DPP6: variants seen among roughly 807,000 people sequenced by gnomAD.
DPP6 encodes dipeptidyl peptidase like 6.
Under a neutral mutation model 122.6 loss-of-function variants are expected in DPP6, and 69 were observed. The observed-to-expected ratio is 0.56, with a 90% CI of 0.46 to 0.69. The LOEUF (loss-of-function observed/expected upper bound fraction) is 0.69, where lower values mean the gene tolerates loss of function less well. DPP6 is among the 30% of genes least tolerant of loss of function. The pLI is 0.00. For missense variants in DPP6, 928 were observed against 1,116.9 expected (o/e 0.83, Z 2.41); for synonymous variants, 418 against 433.1 (o/e 0.97, Z 0.43).
At chr7:154,126,111 A>G (rs1807864278) in intron 1 of DPP6, among the ~76,000 whole-genome samples, 1 of 152,224 alleles carries the variant, frequency 6.6e-6, no homozygotes, top group South Asian at 2.1e-4. Flanking sequence ...TTCATGGTGT[A>G]GGGATCTTTG....
chr7:154,518,534 G>A (rs1474909549), intron 3 of DPP6, among the ~76,000 whole-genome samples: 1 of 152,146 alleles, frequency 6.6e-6, no homozygotes, highest in Non-Finnish European at 1.5e-5. Context: ...CCCTTGCACT[G>A]CCAAGTGTCC....
chr7:154,212,904 C>G (rs1196673956), intron 1 of DPP6, among the ~76,000 whole-genome samples: 1 of 152,160 alleles, frequency 6.6e-6, no homozygotes, highest in Non-Finnish European at 1.5e-5. Context: ...GGAAACATCT[C>G]TGAGTTCACT....
chr7:154,879,588 C>CAAAAAAAAA (rs778157355), intron 20 of DPP6, among the ~76,000 whole-genome samples: 18 of 41,582 alleles, frequency 4.3e-4, no homozygotes, highest in Non-Finnish European at 4.9e-4. Flanking sequence ...GACTCCGTCT[C>CAAAAAAAAA]AAAAAAAAAA....
chr7:153,830,086 A>C, the DPP6 span, among the ~76,000 whole-genome samples: 1 of 152,238 alleles, frequency 6.6e-6, no homozygotes, highest in Non-Finnish European at 1.5e-5. Context: ...AAGGAAAAAC[A>C]AATTTGGGCT....
Position 153,898,707 on chromosome 7 carries a change from G to A in DPP6, c.51+10973G>A, listed in dbSNP as rs187941462. Reference sequence around the variant, plus strand: ...GAGGAAAATGGCCGTCTTCAGTTGCGGTATCAGAGGCCTTCCACAATAAGC... The same window carrying A: ...GAGGAAAATGGCCGTCTTCAGTTGCAGTATCAGAGGCCTTCCACAATAAGC... On this transcript the variant is annotated intron_variant, in intron 1 of 25. Coordinates refer to the DPP6 transcript ENST00000404039. Among the ~76,000 whole-genome samples the A allele has an allele frequency of 1.2e-4, 19 of 152,248 alleles. No individual in the cohort carries two copies. In the East Asian group the frequency reaches 2.3e-3, roughly 19 times the overall value.
At chr7:154,122,483 A>G (rs1429981751) in intron 1 of DPP6, among the ~76,000 whole-genome samples, 2 of 152,262 alleles carry the variant, frequency 1.3e-5, no homozygotes, top group Non-Finnish European at 2.9e-5. Flanking sequence ...GTTACTAGAA[A>G]GAGATGGGGG....
intron 1 of DPP6, among the ~76,000 whole-genome samples, chr7:154,381,697 G>A (rs1251691031): frequency 1.3e-5 from 2 of 152,172 alleles, no homozygotes; most frequent in Non-Finnish European, 2.9e-5. Flanking sequence ...ATAGAACAGG[G>A]TTAGGAAACC....
chr7:154,265,016 G>T (rs373575916), intron 1 of DPP6, among the ~76,000 whole-genome samples: 2 of 814 alleles, frequency 2.5e-3, no homozygotes, highest in Non-Finnish European at 9.0e-3. Flanking sequence ...GATAGTGATA[G>T]TGATGATGGT....
rs1388545589 is a variant in DPP6 at position 154,483,047 on chromosome 7, C to T, written c.457+8010C>T. On this transcript the variant is annotated intron_variant, in intron 3 of 25. Coordinates refer to ENST00000377770, the MANE Select transcript of DPP6 (RefSeq NM_130797.4). The surrounding 1 kb of genome is among the most constrained non-coding windows in gnomAD (Gnocchi z 8.1). Reference sequence around the variant, plus strand: ...TGAGAGGTTGGAGCCATCTGGAGGACCATGGAAAGCGTGGGTTGTGGAGGT... The same window carrying T: ...TGAGAGGTTGGAGCCATCTGGAGGATCATGGAAAGCGTGGGTTGTGGAGGT... 6.6e-6 allele frequency among the ~76,000 whole-genome samples: 1 copy of T among 151,440 alleles called. No homozygotes were observed. Among genetic ancestry groups the T allele is most frequent in the East Asian group, 1.9e-4 (1 of 5,154 alleles).
intron 10 of DPP6, among the ~76,000 whole-genome samples, chr7:154,779,458 A>C (rs541627484): frequency 2.8e-4 from 43 of 152,176 alleles, no homozygotes; most frequent in African/African-American, 1.0e-3. Context: ...TCACATTTAC[A>C]ATGTCAATAA....
chr7:154,624,422 A>T lies in DPP6; in HGVS notation c.628-13399A>T, dbSNP rs747969041. 2.0e-5 allele frequency among the ~76,000 whole-genome samples: 3 copies of T among 151,870 alleles called. No homozygotes were observed. In the South Asian group the frequency reaches 6.3e-4, roughly 32 times the overall value. On this transcript the variant is annotated intron_variant, in intron 5 of 25. Transcript: ENST00000377770. This position sits in a 1 kb window ranked among gnomAD's most constrained non-coding sequence, Gnocchi z 4.7. ...CAGGAAAATCACTTGTACCCAGGAG[A>T]CAGAGATTGCGCCGCTGCCTTCCAA... is the stretch of plus-strand genomic sequence containing the variant.
chr7:153,925,555 G>C (rs1263880936), intron 1 of DPP6, among the ~76,000 whole-genome samples: 1 of 152,018 alleles, frequency 6.6e-6, no homozygotes, highest in African/African-American at 2.4e-5. Context: ...CTGATGAGGG[G>C]AGACCACTCC....
the DPP6 span, among the ~76,000 whole-genome samples, chr7:153,838,729 AG>A: frequency 2.7e-4 from 41 of 152,338 alleles, no homozygotes; most frequent in East Asian, 7.5e-3. Flanking sequence ...AACTGTAACA[AG>A]CAAACAGTTA....
At position 154,794,155 on chromosome 7, in the gene DPP6, G is replaced by A. The variant is rs748445356; in HGVS notation, c.1213G>A (p.Val405Met). 5.2e-5 allele frequency: 84 copies of A among 1,612,838 alleles called. No homozygotes were observed. The highest frequency in any genetic ancestry group is 1.6e-4 in the Middle Eastern group (1 of 6,084). Residue 405 changes from valine (V) to methionine (M), a missense_variant, in exon 11 of 26, where the codon GTG becomes ATG. Coordinates refer to ENST00000377770, the MANE Select transcript of DPP6 (RefSeq NM_130797.4). ...AVTWLNRAQN[V>M]SILTLCDATT... is the part of the protein sequence containing the mutation. ...GACCTGGCTGAACCGGGCGCAGAAC[G>A]TGTCCATCCTCACCCTCTGCGACGC...
intron 8 of DPP6, among the ~76,000 whole-genome samples, chr7:154,759,975 T>G (rs1404593839): frequency 6.6e-6 from 1 of 152,124 alleles, no homozygotes; most frequent in African/African-American, 2.4e-5. Context: ...TATAAAAAAT[T>G]AGCTGGGCAT....
rs556992690 is a variant in DPP6 at position 154,487,651 on chromosome 7, C to T, written c.457+12614C>T. On this transcript the variant is annotated intron_variant, in intron 3 of 25. Transcript: ENST00000377770. ...GCCGCGTCCTCTTTTTAGAGTGAAG[C>T]GCATTCAGAAGACCCATTAATTAGA... 3.9e-5 allele frequency among the ~76,000 whole-genome samples: 6 copies of T among 152,290 alleles called. No homozygotes were observed. In the South Asian group the frequency reaches 1.0e-3, roughly 26 times the overall value.
chr7:153,780,289 ATCT>A, the DPP6 span, among the ~76,000 whole-genome samples: 1 of 152,198 alleles, frequency 6.6e-6, no homozygotes, highest in Non-Finnish European at 1.5e-5. Flanking sequence ...TGGTTATTCA[ATCT>A]TCTTGAAATC....
intron 6 of DPP6, among the ~76,000 whole-genome samples, chr7:154,645,153 C>T (rs1586799202): frequency 6.6e-6 from 1 of 150,702 alleles, no homozygotes; most frequent in Admixed American, 6.6e-5. Flanking sequence ...AGCTCCGCCT[C>T]CCAGGTTCAC....
intron 4 of DPP6, among the ~76,000 whole-genome samples, chr7:154,549,010 G>C (rs756429409): frequency 5.9e-5 from 9 of 152,170 alleles, no homozygotes; most frequent in Non-Finnish European, 1.2e-4. Flanking sequence ...GGTTGTTTTG[G>C]GAGGGGCTTG....
Sources: allele counts gnomAD v4.1 joint callset (sites outside exome capture counted in the v4.1 genomes callset), GRCh38; gene constraint gnomAD v4.1.1; non-coding constraint Gnocchi (gnomAD v3.1); transcripts MANE v1.5; gene names NCBI Gene and HGNC (gene_info 2026-07-23, HGNC 2026-07-21).